The following ACTN3 variants were observed in gnomAD, a reference collection of about 807,000 sequenced individuals.
ACTN3 encodes the protein actinin alpha 3.
Under a neutral mutation model 119.6 loss-of-function variants are expected in ACTN3, and 91 were observed. The ratio of observed to expected loss-of-function variants is 0.76; its 90% CI spans 0.64 to 0.91. The LOEUF is 0.91. ACTN3 is among the 40% of genes least tolerant of loss of function. The pLI is 0.00. For synonymous variants in ACTN3, 456 were observed against 478.8 expected, an observed-to-expected ratio of 0.95 and a Z score of 0.62; for missense variants, 1,221 against 1,215.1, an observed-to-expected ratio of 1.00 and a Z score of -0.07.
chr11:66,559,861 C>A lies in ACTN3; in HGVS notation c.1428-107C>A, dbSNP rs1055878859. ...GCTTTACCCACCACCTGCCCTGGCT[C>A]CCGCACGCCTTCACCCCCATCCGGG... On this transcript the variant is annotated intron_variant, in intron 12 of 20. Transcript: ENST00000513398. 49 of 1,109,906 alleles carry A rather than the reference C, an allele frequency of 4.4e-5. 1 individual carries two copies. The South Asian group carries it at 6.9e-4, about 16-fold the overall frequency. 68.8% of individuals were successfully genotyped at this position (1,109,906 alleles called of 1,614,324 possible).
Position 66,557,223 on chromosome 11 carries a change from G to A in ACTN3, c.895G>A (p.Glu299Lys). The A allele has an allele frequency of 6.4e-7, 1 of 1,552,648 alleles. No homozygotes were observed. Among genetic ancestry groups the A allele is most frequent in the Non-Finnish European group, 8.7e-7 (1 of 1,147,638 alleles). Residue 299 changes from glutamate (E) to lysine (K), a missense_variant and splice_region_variant, in exon 9 of 21, where the codon GAG (glutamate) becomes AAG (lysine). Coordinates refer to ENST00000513398, the MANE Select transcript of ACTN3 (RefSeq NM_001104.4). ...GGAGGAGTATGAGAAGCTTGCCAGTGAGGTGAGGCTGGGCTCCCACCGTGC... is the reference window on the plus strand; with the variant it reads ...GGAGGAGTATGAGAAGCTTGCCAGTAAGGTGAGGCTGGGCTCCCACCGTGC... The part of the protein sequence containing the change: ...LMEEYEKLAS[E>K]LLEWIRRTVP...
intron 12 of ACTN3, among the ~76,000 whole-genome samples, 188 bp from the exon 13 acceptor site, chr11:66,559,780 G>A (rs918665662): frequency 2.0e-5 from 3 of 146,926 alleles, no homozygotes; most frequent in Non-Finnish European, 4.5e-5. Flanking sequence ...AAGGACCCGC[G>A]GGCGCCCACC....
intron 2 of ACTN3, 68 bp downstream of exon 2, chr11:66,551,421 G>A (rs920466753): frequency 6.4e-7 from 1 of 1,565,458 alleles, no homozygotes; most frequent in African/African-American, 1.4e-5. Context: ...GGGGGAATAG[G>A]GTGGCGGAGT....
rs745590457 is a variant in ACTN3 at position 66,556,201 on chromosome 11, T to C, written c.775T>C (p.Phe259Leu). Reference protein sequence around the residue: ...EKAIMTYVSCFYHAFAGAEQA... With the variant: ...EKAIMTYVSCLYHAFAGAEQA... ...GGCCATCATGACCTATGTGTCCTGC[T>C]TCTACCATGCCTTTGCCGGGGCTGA... Residue 259 changes from phenylalanine (F) to leucine (L), a missense_variant, in exon 8 of 21, where the codon TTC becomes CTC. This residue lies in a region of ACTN3 where 934 missense variants were observed against 899.9 expected (regional missense o/e 1.04). Transcript: ENST00000513398. 1.2e-6 allele frequency: 2 copies of C among 1,613,960 alleles called. No individual in the cohort carries two copies. Among genetic ancestry groups the C allele is most frequent in the Non-Finnish European group, 1.7e-6 (2 of 1,179,938 alleles).
intron 1 of ACTN3, chr11:66,550,974 G>T: frequency 1.7e-6 from 1 of 603,680 alleles, no homozygotes; most frequent in Non-Finnish European, 3.1e-6. Context: ...GACCCCCAAG[G>T]CTGGGGTGCT....
At chr11:66,554,289 C>CA (rs1565305084) in intron 4 of ACTN3, 158 bp downstream of exon 4, 1,827 of 11,160 alleles carry the variant, frequency 0.16, 180 homozygotes, top group Non-Finnish European at 0.18. Flanking sequence ...ACAAAAAATA[C>CA]CAAAAAAAAA....
At position 66,559,252 on chromosome 11, in the gene ACTN3, G is replaced by A; in HGVS notation, c.1293G>A (p.Leu431=). ...EAWTRGKEEM[L]SQRDYDSALL... ...TTTGAGCAGGAAAGGAGGAGATGCT[G>A]AGCCAGCGCGACTACGATTCGGCTT... is the stretch of plus-strand genomic sequence containing the variant. Residue 431 remains leucine, a synonymous_variant, in exon 12 of 21, where the codon CTG becomes CTA. Coordinates refer to ENST00000513398, the MANE Select transcript of ACTN3 (RefSeq NM_001104.4). 2 of 1,557,406 alleles carry A rather than the reference G, an allele frequency of 1.3e-6. No individual in the cohort carries two copies. The highest frequency in any genetic ancestry group is 1.2e-5 in the South Asian group (1 of 85,086).
At position 66,560,091 on chromosome 11, in the gene ACTN3, CGGGGAGCTGGGGGGT is replaced by C; in HGVS notation, c.1536+19_1536+33del. 3.3e-6 allele frequency: 1 copy of C among 299,646 alleles called. No homozygotes were observed. The highest frequency in any genetic ancestry group is 3.8e-5 in the South Asian group (1 of 26,028). 18.6% of individuals were successfully genotyped at this position (299,646 alleles called of 1,614,324 possible). ...ATGCGCTAGAGGTGGGGCTGGGGGC[CGGGGAGCTGGGGGGT>C]GGGTAGGTGGGTGAGGCCAGGTCTG... On this transcript the variant is annotated intron_variant, in intron 13 of 20. Coordinates refer to ENST00000513398, the MANE Select transcript of ACTN3 (RefSeq NM_001104.4).
chr11:66,556,093 T>C (rs539852074), intron 7 of ACTN3, 52 bp from the exon 8 acceptor site: 4 of 1,526,474 alleles, frequency 2.6e-6, no homozygotes, highest in East Asian at 4.7e-5. Context: ...GTTCTCTGCC[T>C]GGGGAGGGAC....
chr11:66,546,466 A>G (rs1857341513), upstream of ACTN3: 2 of 1,470,720 alleles, frequency 1.4e-6, no homozygotes, highest in African/African-American at 1.4e-5. Flanking sequence ...ATCACCCCAG[A>G]AAACATGCAA....
At chr11:66,550,947 G>A in intron 1 of ACTN3, 2 of 518,062 alleles carry the variant, frequency 3.9e-6, no homozygotes, top group South Asian at 3.3e-5. Context: ...ATTTTCTAAG[G>A]GCCCTCCAGT....
rs951175392 is a variant in ACTN3 at position 66,562,740 on chromosome 11, G to A, written c.2389-56G>A. 2.6e-6 allele frequency: 4 copies of A among 1,532,726 alleles called. No homozygotes were observed. The Admixed American group carries it at 8.1e-5, about 31-fold the overall frequency. 94.9% of individuals were successfully genotyped at this position (1,532,726 alleles called of 1,614,324 possible). A position where few individuals can be genotyped will look rare whatever the true frequency, so the allele number is the denominator to read the frequency against. On this transcript the variant is annotated intron_variant, in intron 19 of 20. Transcript: ENST00000513398. ...GGACAGTCCCCAGGAGGGGACACTG[G>A]GAGCCCTCCTGGCTTTAGTGCTCAT...
rs1263304528 is a variant in ACTN3 at position 66,560,087 on chromosome 11, G to C, written c.1536+11G>C. The C allele has an allele frequency of 1.9e-6, 3 of 1,556,008 alleles. No homozygotes were observed. Among genetic ancestry groups the C allele is most frequent in the Admixed American group, 1.9e-5 (1 of 51,840 alleles). On this transcript the variant is annotated intron_variant, in intron 13 of 20. Coordinates refer to ENST00000513398, the MANE Select transcript of ACTN3 (RefSeq NM_001104.4). ...CGGGATGCGCTAGAGGTGGGGCTGG[G>C]GGCCGGGGAGCTGGGGGGTGGGTAG...
In ACTN3 at chr11:66,546,941, A is replaced by T; in HGVS notation, c.4A>T (p.Met2Leu). 1 of 1,538,366 alleles carries T rather than the reference A, an allele frequency of 6.5e-7. No homozygotes were observed. The highest frequency in any genetic ancestry group is 8.7e-7 in the Non-Finnish European group (1 of 1,147,872). The change falls in exon 1 of 21, where the codon ATG (methionine) becomes TTG (leucine). Residue 2 changes from methionine to leucine, a missense_variant. Physicochemically the swap from Met to Leu is conservative, Grantham distance 15. Coordinates refer to ENST00000513398, the MANE Select transcript of ACTN3 (RefSeq NM_001104.4). ...CGAAGCCAGGAGCCCGATCGAGATG[A>T]TGATGGTTATGCAGCCCGAGGGTCT... Reference protein sequence around the residue: MMMVMQPEGLGA... With the variant: MLMVMQPEGLGA...
upstream of ACTN3, chr11:66,546,700 G>C (rs992418985): frequency 1.3e-5 from 20 of 1,534,674 alleles, no homozygotes; most frequent in Non-Finnish European, 1.5e-5. Flanking sequence ...AGCGGAGCAG[G>C]AATGCAAACC....
intron 1 of ACTN3, 107 bp downstream of exon 1, chr11:66,547,191 G>A: frequency 7.7e-7 from 1 of 1,293,752 alleles, no homozygotes; most frequent in Non-Finnish European, 1.0e-6. Flanking sequence ...TTAACCTAGA[G>A]TGCTAATCCC....
intron 9 of ACTN3, 120 bp downstream of exon 9, chr11:66,557,345 C>G (rs1386518460): frequency 1.1e-6 from 1 of 921,488 alleles, no homozygotes; most frequent in African/African-American, 1.7e-5. Context: ...TGGCTTCCTC[C>G]CAGCCTCCTC....
intron 17 of ACTN3, 39 bp downstream of exon 17, chr11:66,561,676 C>A: frequency 6.3e-7 from 1 of 1,585,246 alleles, no homozygotes; most frequent in Non-Finnish European, 8.6e-7. Context: ...GGAGGCAGCA[C>A]TGGCTGAGGA....
intron 12 of ACTN3, 87 bp downstream of exon 12, chr11:66,559,473 C>G: frequency 7.7e-7 from 1 of 1,292,692 alleles, no homozygotes; most frequent in Non-Finnish European, 1.0e-6. Context: ...TTGCCCTTCT[C>G]AAGACACTAG....
Sources: allele counts gnomAD v4.1 joint callset (sites outside exome capture counted in the v4.1 genomes callset), GRCh38; gene constraint gnomAD v4.1.1; regional missense constraint gnomAD v4.1.1; transcripts MANE v1.5; gene names NCBI Gene and HGNC (gene_info 2026-07-23, HGNC 2026-07-21).